The following CDH23 variants were observed in gnomAD, a reference collection of about 807,000 sequenced individuals.
CDH23 encodes the protein cadherin-23.
Under a neutral mutation model 317.1 loss-of-function variants are expected in CDH23, and 189 were observed. The observed-to-expected ratio is 0.60, with a 90% CI of 0.53 to 0.67. The LOEUF (loss-of-function observed/expected upper bound fraction) is 0.67. Ranked by LOEUF, CDH23 falls within the 30% of genes least tolerant of loss-of-function variation. The pLI, the probability that CDH23 is intolerant of heterozygous loss-of-function variation, is 0.00. For synonymous variants in CDH23, 1,839 were observed against 1,876.8 expected, an observed-to-expected ratio of 0.98 and a Z score of 0.52; for missense variants, 4,401 against 4,592.4, an observed-to-expected ratio of 0.96 and a Z score of 1.20.
chr10:71,530,170 C>T (rs921025184), intron 6 of CDH23, among the ~76,000 whole-genome samples: 6 of 152,104 alleles, frequency 3.9e-5, no homozygotes, highest in African/African-American at 9.7e-5. Flanking sequence ...CCTAGGAGCC[C>T]GGGCTGGTGC....
rs531593760 is a variant in CDH23, at chr10:71,532,711, G to GTTTTTTT, written c.429+21508_429+21514dup. On this transcript the variant is annotated intron_variant, in intron 6 of 69. Transcript: ENST00000224721. Reference sequence around the variant, plus strand: ...TGTTGGCAAGTTTTCTTTTGTTTTTGTTTTTTTTTTTTTTTGTTTTTTTTT... The same window carrying GTTTTTTT: ...TGTTGGCAAGTTTTCTTTTGTTTTTGTTTTTTTTTTTTTTTTTTTTTTGTTTTTTTTT... Among the ~76,000 whole-genome samples, 63 of 128,072 alleles carry GTTTTTTT rather than the reference G, an allele frequency of 4.9e-4. 2 individuals carry two copies. Among genetic ancestry groups the GTTTTTTT allele is most frequent in the Non-Finnish European group, 7.9e-4 (45 of 57,028 alleles). 84.0% of individuals were successfully genotyped at this position (128,072 alleles called of 152,430 possible). A position where few individuals can be genotyped will look rare whatever the true frequency, so the allele number is the denominator to read the frequency against.
At chr10:71,458,503 G>A (rs1188121657) in intron 3 of CDH23, among the ~76,000 whole-genome samples, 1 of 152,238 alleles carries the variant, frequency 6.6e-6, no homozygotes, top group Non-Finnish European at 1.5e-5. Flanking sequence ...AACCTCATAG[G>A]GAGCTAATGA....
intron 38 of CDH23, among the ~76,000 whole-genome samples, chr10:71,771,651 C>T (rs1840687753): frequency 6.6e-6 from 1 of 152,234 alleles, no homozygotes; most frequent in African/African-American, 2.4e-5. Flanking sequence ...TGGAAAGCTG[C>T]AGCCAGCCTA....
Position 71,812,781 on chromosome 10 carries a change from G to T in CDH23, c.9524G>T (p.Arg3175Leu). ...SPTRTHGTFG[R>L]EPAAVKPDDD... ...CCCTCTCCCCAGGGAACTTTTGGGCGTGAGCCAGCAGCTGTCAAGCCTGAT... is the reference window on the plus strand; with the variant it reads ...CCCTCTCCCCAGGGAACTTTTGGGCTTGAGCCAGCAGCTGTCAAGCCTGAT... The change falls in exon 68 of 70, where the codon CGT becomes CTT. Residue 3175 changes from arginine (R) to leucine (L), a missense_variant. Coordinates refer to ENST00000224721, the MANE Select transcript of CDH23 (RefSeq NM_022124.6). 3.1e-6 allele frequency: 5 copies of T among 1,613,138 alleles called. No individual in the cohort carries two copies. Among genetic ancestry groups the T allele is most frequent in the Non-Finnish European group, 4.2e-6 (5 of 1,179,516 alleles).
chr10:71,511,259 TC>T, intron 6 of CDH23, 47 bp downstream of exon 6: 1 of 1,489,442 alleles, frequency 6.7e-7, no homozygotes, highest in Non-Finnish European at 9.4e-7. Context: ...GACCTGCTGC[TC>T]CCCAGACCAC....
At chr10:71,504,887 A>G (rs1853548262) in intron 3 of CDH23, among the ~76,000 whole-genome samples, 1 of 152,172 alleles carries the variant, frequency 6.6e-6, no homozygotes, top group African/African-American at 2.4e-5. Context: ...GCTATAAACC[A>G]GCTACAGGAC....
intron 1 of CDH23, among the ~76,000 whole-genome samples, chr10:71,437,963 T>C (rs1293024017): frequency 1.3e-5 from 2 of 152,148 alleles, no homozygotes; most frequent in African/African-American, 4.8e-5. Flanking sequence ...GCTGTTAATA[T>C]TCAGAAACTC....
intron 9 of CDH23, among the ~76,000 whole-genome samples, chr10:71,590,873 T>TAAAAAAAAAACAAAAA (rs1859423643): frequency 1.4e-5 from 1 of 72,292 alleles, no homozygotes; most frequent in Non-Finnish European, 2.7e-5. Context: ...ACCCTGTCTC[T>TAAAAAAAAAACAAAAA]AAAAAAAAAA....
chr10:71,673,291 C>G (rs1175208908), intron 14 of CDH23, among the ~76,000 whole-genome samples: 1 of 152,218 alleles, frequency 6.6e-6, no homozygotes, highest in Non-Finnish European at 1.5e-5. Flanking sequence ...ATGGTTTGGT[C>G]ACACAGTGAC....
At chr10:71,698,310 G>T (rs533265162) in intron 22 of CDH23, among the ~76,000 whole-genome samples, 1 of 152,234 alleles carries the variant, frequency 6.6e-6, no homozygotes, top group South Asian at 2.1e-4. Flanking sequence ...ATATACATGG[G>T]TATGTCTCAT....
chr10:71,783,526 C>T (rs1841013493), intron 41 of CDH23, among the ~76,000 whole-genome samples: 1 of 152,242 alleles, frequency 6.6e-6, no homozygotes, highest in Non-Finnish European at 1.5e-5. Flanking sequence ...ACTGGACGGT[C>T]TCTGGGCTGC....
At chr10:71,756,097 C>T (rs1840138781) in intron 38 of CDH23, among the ~76,000 whole-genome samples, 1 of 152,118 alleles carries the variant, frequency 6.6e-6, no homozygotes, top group Non-Finnish European at 1.5e-5. Flanking sequence ...GGGGTGAGAA[C>T]TAGAAAAACG....
chr10:71,636,564 C>T (rs1220164559), intron 11 of CDH23, among the ~76,000 whole-genome samples: 2 of 152,166 alleles, frequency 1.3e-5, no homozygotes, highest in East Asian at 1.9e-4. Flanking sequence ...AGAATCACCC[C>T]ATCCAAGCTT....
chr10:71,630,828 G>A (rs1281449136), intron 11 of CDH23, among the ~76,000 whole-genome samples: 1 of 152,200 alleles, frequency 6.6e-6, no homozygotes, highest in African/African-American at 2.4e-5. Flanking sequence ...GGCCTCAGCT[G>A]GCTCTCCCAG....
chr10:71,434,875 G>A (rs887615668), intron 1 of CDH23, among the ~76,000 whole-genome samples: 1 of 152,176 alleles, frequency 6.6e-6, no homozygotes, highest in African/African-American at 2.4e-5. Flanking sequence ...GCCTGGGAGG[G>A]CAGATGAAAC....
chr10:71,513,920 T>A (rs1854131595), intron 6 of CDH23, among the ~76,000 whole-genome samples: 1 of 152,022 alleles, frequency 6.6e-6, no homozygotes, highest in Admixed American at 6.6e-5. Context: ...ATCTCAGCCA[T>A]CTAGGGCCCT....
chr10:71,684,110 C>CA (rs11420747), intron 18 of CDH23, among the ~76,000 whole-genome samples: 125,344 of 149,472 alleles, frequency 0.84, 53,122 homozygotes, highest in Non-Finnish European at 0.91. Context: ...CAAACAACAA[C>CA]AAAAAAAAAC....
At chr10:71,410,188 G>T (rs1353755247) in intron 1 of CDH23, among the ~76,000 whole-genome samples, 6 of 152,216 alleles carry the variant, frequency 3.9e-5, no homozygotes, top group African/African-American at 1.4e-4. Context: ...AAAATGCTTA[G>T]AAAAAGTGCT....
intron 14 of CDH23, among the ~76,000 whole-genome samples, chr10:71,651,834 G>T (rs10999933): frequency 0.28 from 43,138 of 152,128 alleles, 6,574 homozygotes; most frequent in East Asian, 0.49. Context: ...TGGCAGAGGT[G>T]GTACCTAGGA....
Sources: allele counts gnomAD v4.1 joint callset (sites outside exome capture counted in the v4.1 genomes callset), GRCh38; gene constraint gnomAD v4.1.1; transcripts MANE v1.5; gene names NCBI Gene and HGNC (gene_info 2026-07-23, HGNC 2026-07-21).